Variants in RP1 observed in about 807,000 individuals in gnomAD.
RP1 encodes the protein RP1 axonemal microtubule associated.
Under a neutral mutation model 14.8 loss-of-function variants are expected in RP1, and 16 were observed. The ratio of observed to expected loss-of-function variants is 1.08; its 90% CI spans 0.73 to 1.65. The LOEUF (loss-of-function observed/expected upper bound fraction) is 1.65. RP1 is among the 40% of genes most tolerant of loss of function. The probability of loss-of-function intolerance (pLI) is 0.00; values close to 1 mark genes in which losing one functional copy is unlikely to be tolerated. For missense variants in RP1, 2,631 were observed against 2,535.0 expected (o/e 1.04, Z -0.81); for synonymous variants, 876 against 883.6 (o/e 0.99, Z 0.15).
intron 22 of RP1, among the ~76,000 whole-genome samples, chr8:54,769,432 C>T (rs186549900): frequency 2.8e-4 from 43 of 152,172 alleles, no homozygotes; most frequent in Admixed American, 2.6e-3. Context: ...TCTGCTGGAG[C>T]CCCAGTTGCT....
intron 24 of RP1, among the ~76,000 whole-genome samples, chr8:54,819,991 T>C (rs567746280): frequency 2.6e-5 from 4 of 152,146 alleles, no homozygotes; most frequent in Non-Finnish European, 5.9e-5. Context: ...CAGGGCCCAA[T>C]GGCTCTTAGT....
intron 1 of RP1, among the ~76,000 whole-genome samples, chr8:54,569,362 G>C (rs1212502981): frequency 6.6e-6 from 1 of 152,174 alleles, no homozygotes; most frequent in Non-Finnish European, 1.5e-5. Flanking sequence ...ATGCCATTTT[G>C]CATTTGATTT....
At chr8:54,760,104 A>G (rs953083868) in intron 22 of RP1, among the ~76,000 whole-genome samples, 5 of 152,208 alleles carry the variant, frequency 3.3e-5, no homozygotes, top group African/African-American at 7.2e-5. Flanking sequence ...AAAACCTGCA[A>G]ACACCCAAGA....
At chr8:54,636,288 A>C (rs1457364012) in intron 3 of RP1, among the ~76,000 whole-genome samples, 2 of 152,222 alleles carry the variant, frequency 1.3e-5, no homozygotes, top group African/African-American at 4.8e-5. Flanking sequence ...ACACTTAGGC[A>C]ATAGGCATCC....
intron 1 of RP1, among the ~76,000 whole-genome samples, chr8:54,584,620 T>G (rs552707585): frequency 1.2e-4 from 19 of 152,304 alleles, no homozygotes; most frequent in African/African-American, 4.6e-4. Flanking sequence ...CTCCCGTTAT[T>G]ATTGTGTGGG....
At chr8:54,606,948 AT>A (rs371233609) in intron 1 of RP1, among the ~76,000 whole-genome samples, 52,136 of 151,438 alleles carry the variant, frequency 0.34, 9,505 homozygotes, top group Middle Eastern at 0.49. Flanking sequence ...CATTCGTCTA[AT>A]TTTTTTTCAA....
chr8:54,628,736 C>G lies in RP1; in HGVS notation c.4854C>G (p.Thr1618=), dbSNP rs1403526115. Residue 1618 remains threonine (T), a synonymous_variant, in exon 4 of 4, where the codon ACC becomes ACG. Transcript: ENST00000220676. The stretch of plus-strand genomic sequence containing the variant: ...ATCCCAATGACAGTGGCGAACTTAC[C>G]CAAGAGAAAGAATATAACATAGGAT... ...SDDPNDSGEL[T]QEKEYNIGFV... 1.9e-6 allele frequency: 3 copies of G among 1,613,864 alleles called. No homozygotes were observed. In the East Asian group the frequency reaches 6.7e-5, roughly 36 times the overall value.
intron 24 of RP1, among the ~76,000 whole-genome samples, chr8:54,822,543 C>T (rs1811281654): frequency 6.6e-6 from 1 of 152,114 alleles, no homozygotes; most frequent in African/African-American, 2.4e-5. Flanking sequence ...ATTCAAACTG[C>T]ACATTTATTT....
At chr8:54,632,939 T>C (rs925001521), downstream of RP1, among the ~76,000 whole-genome samples, 1 of 152,164 alleles carries the variant, frequency 6.6e-6, no homozygotes, top group Admixed American at 6.5e-5. Context: ...GGGGAAGATA[T>C]GTAGAATTCA....
At chr8:54,750,095 AT>A (rs1809321199) in intron 19 of RP1, among the ~76,000 whole-genome samples, 1 of 152,158 alleles carries the variant, frequency 6.6e-6, no homozygotes, top group Non-Finnish European at 1.5e-5. Context: ...CATTCTGGTA[AT>A]AGAAAACTGA....
intron 5 of RP1, among the ~76,000 whole-genome samples, chr8:54,653,997 A>G (rs963394937): frequency 7.9e-5 from 12 of 152,348 alleles, no homozygotes; most frequent in African/African-American, 2.9e-4. Flanking sequence ...GAGGAATGAT[A>G]TAAAAATCAG....
chr8:54,713,014 T>C (rs1251187439), intron 15 of RP1, among the ~76,000 whole-genome samples: 1 of 152,094 alleles, frequency 6.6e-6, no homozygotes, highest in Non-Finnish European at 1.5e-5. Flanking sequence ...TGGTAATGCA[T>C]GGTCATGTTA....
chr8:54,669,986 C>T (rs1807114844), intron 7 of RP1, among the ~76,000 whole-genome samples: 1 of 151,920 alleles, frequency 6.6e-6, no homozygotes, highest in African/African-American at 2.4e-5. Context: ...ATGTAACAAA[C>T]CGGCACGTTG....
chr8:54,812,807 A>ATCTATCTC lies in RP1; in HGVS notation c.3616-24640_3616-24639insATCTCTCT, dbSNP rs1460848174. ...TATCTATCTATCTATCTATCTATCT[A>ATCTATCTC]TCTCTCCGTCTTCTATCATTTATCT... On this transcript the variant is annotated intron_variant, in intron 24 of 28. Transcript: ENST00000637698. Among the ~76,000 whole-genome samples, 3 of 121,166 alleles carry ATCTATCTC rather than the reference A, an allele frequency of 2.5e-5. No individual in the cohort carries two copies. In the East Asian group the frequency reaches 6.1e-4, roughly 25 times the overall value. 79.5% of individuals were successfully genotyped at this position (121,166 alleles called of 152,430 possible).
chr8:54,791,081 AAG>A (rs1232013331), intron 24 of RP1, among the ~76,000 whole-genome samples: 1 of 152,134 alleles, frequency 6.6e-6, no homozygotes, highest in Non-Finnish European at 1.5e-5. Context: ...ATGAAAGACA[AAG>A]AGAATTTTGA....
rs576533974 is a variant in RP1, at chr8:54,756,157, A to G, written c.3093+387A>G. ...ATACTATATTTCATATAATAACACA[A>G]TGACCTTTAATCTATAAAACATTTT... On this transcript the variant is annotated intron_variant, in intron 21 of 22. Transcript: ENST00000636932. Among the ~76,000 whole-genome samples the G allele has an allele frequency of 7.3e-4, 111 of 152,312 alleles. 1 individual carries two copies. The highest frequency in any genetic ancestry group is 4.6e-3 in the South Asian group (22 of 4,826).
chr8:54,755,669 A>C lies in RP1; in HGVS notation c.2992A>C (p.Thr998Pro), dbSNP rs148712854. 530 of 1,536,026 alleles carry C rather than the reference A, an allele frequency of 3.5e-4. 2 individuals are homozygous for C. In the African/African-American group the frequency reaches 5.9e-3, roughly 17 times the overall value. ...CACTGGGCAGCTGAAGCATGCAGAG[A>C]CGGAGTCTGAGGTTTTCCTCTGTCT... Residue 998 changes from threonine (T) to proline (P), a missense_variant, in exon 21 of 23, where the codon ACG (threonine) becomes CCG (proline). Thr to Pro is a conservative substitution (Grantham distance 38). Coordinates refer to the RP1 transcript ENST00000636932.
intron 1 of RP1, among the ~76,000 whole-genome samples, chr8:54,594,028 C>T (rs537136248): frequency 6.6e-6 from 1 of 151,274 alleles, no homozygotes; most frequent in African/African-American, 2.4e-5. Flanking sequence ...AACTTGGGAC[C>T]AGGAACTTGG....
intron 24 of RP1, among the ~76,000 whole-genome samples, chr8:54,808,299 C>A (rs914383780): frequency 2.0e-5 from 3 of 152,212 alleles, no homozygotes; most frequent in African/African-American, 4.8e-5. Flanking sequence ...GACTTCCCCG[C>A]GGCTCTGCAC....
Sources: allele counts gnomAD v4.1 joint callset (sites outside exome capture counted in the v4.1 genomes callset), GRCh38; gene constraint gnomAD v4.1.1; transcripts MANE v1.5; gene names NCBI Gene and HGNC (gene_info 2026-07-23, HGNC 2026-07-21).